NTRK2: variants seen among roughly 807,000 people sequenced by gnomAD.
The protein encoded by NTRK2 is BDNF/NT-3 growth factors receptor.
In NTRK2, 13 loss-of-function variants were observed where a neutral mutation model predicts 94.5. The observed-to-expected ratio is 0.14, with a 90% CI of 0.09 to 0.22. The LOEUF is 0.22. NTRK2 is among the 10% of genes least tolerant of loss of function. NTRK2 has a pLI of 1.00. For missense variants in NTRK2, 639 were observed against 1,071.2 expected, an observed-to-expected ratio of 0.60 and a Z score of 5.63; for synonymous variants, 372 against 407.4, an observed-to-expected ratio of 0.91 and a Z score of 1.05.
rs1021515907 is a variant in NTRK2, at chr9:85,024,260, C to T, written c.*2823C>T. On this transcript the variant is annotated 3_prime_UTR_variant, in exon 19 of 19. Coordinates refer to ENST00000277120, the MANE Select transcript of NTRK2 (RefSeq NM_006180.6). ...ATTATTCATTGTTGTTCCTCCACCACCCCCTTTCTCATGGTCTGATTTTTA... is the reference window on the plus strand; with the variant it reads ...ATTATTCATTGTTGTTCCTCCACCATCCCCTTTCTCATGGTCTGATTTTTA... 25 of 232,706 alleles carry T rather than the reference C, an allele frequency of 1.1e-4. No individual in the cohort carries two copies. Among genetic ancestry groups the T allele is most frequent in the African/African-American group, 5.1e-4 (23 of 45,430 alleles). The allele number at this position is 232,706 out of a possible 1,614,324, so 14.4% of individuals were successfully genotyped here. A position where few individuals can be genotyped will look rare whatever the true frequency, so the allele number is the denominator to read the frequency against.
intron 12 of NTRK2, among the ~76,000 whole-genome samples, chr9:84,836,094 T>G (rs1285803889): frequency 2.6e-5 from 4 of 152,238 alleles, no homozygotes; most frequent in Non-Finnish European, 5.9e-5. Flanking sequence ...ACCATAGTTC[T>G]GTTCTTTGCC....
intron 12 of NTRK2, among the ~76,000 whole-genome samples, chr9:84,760,295 T>A (rs990201137): frequency 6.6e-6 from 1 of 152,232 alleles, no homozygotes; most frequent in African/African-American, 2.4e-5. Context: ...TAGTTTAGTA[T>A]CTGTCTCTTT....
intron 6 of NTRK2, among the ~76,000 whole-genome samples, chr9:84,722,048 A>C (rs2062098589): frequency 6.6e-6 from 1 of 151,946 alleles, no homozygotes; most frequent in Non-Finnish European, 1.5e-5. Flanking sequence ...CAACAGACTC[A>C]TCTAAGGCCA....
chr9:84,742,789 G>GTTTT (rs757253032), intron 10 of NTRK2, among the ~76,000 whole-genome samples: 1,466 of 103,630 alleles, frequency 0.014, 134 homozygotes, highest in Admixed American at 0.022. Context: ...CATTATATTA[G>GTTTT]TTTTTTTTTT....
At chr9:84,704,798 C>T (rs551337198) in intron 4 of NTRK2, among the ~76,000 whole-genome samples, 1 of 152,258 alleles carries the variant, frequency 6.6e-6, no homozygotes, top group East Asian at 1.9e-4. Flanking sequence ...CATATAGTCA[C>T]AGGACAAAAG....
At chr9:84,999,305 C>T (rs1207114398) in intron 17 of NTRK2, among the ~76,000 whole-genome samples, 1 of 152,156 alleles carries the variant, frequency 6.6e-6, no homozygotes, top group East Asian at 1.9e-4. Context: ...GACTCCTTCC[C>T]ATCAGTAAGT....
rs2060597764 is a variant in NTRK2, at chr9:84,699,660, T to C, written c.213-2499T>C. 2.0e-5 allele frequency among the ~76,000 whole-genome samples: 3 copies of C among 148,174 alleles called. No homozygotes were observed. The South Asian group carries it at 6.5e-4, about 32-fold the overall frequency. ...GAAAGCATAGAATTAAGCTTATGTG[T>C]GTGTTTTTTTTTTTTTCTAACGAGT... On this transcript the variant is annotated intron_variant, in intron 2 of 18. Coordinates refer to ENST00000277120, the MANE Select transcript of NTRK2 (RefSeq NM_006180.6).
chr9:84,857,836 G>T (rs894441359), intron 12 of NTRK2, among the ~76,000 whole-genome samples: 20 of 152,092 alleles, frequency 1.3e-4, no homozygotes, highest in African/African-American at 4.6e-4. Context: ...ATTGATCTAT[G>T]GGCTCTAGAA....
chr9:84,971,583 G>A (rs547022614), intron 17 of NTRK2, among the ~76,000 whole-genome samples: 131 of 152,334 alleles, frequency 8.6e-4, no homozygotes, highest in Middle Eastern at 3.4e-3. Flanking sequence ...CCAGTGTGCT[G>A]GACATAGAGC....
chr9:85,017,255 A>G (rs1832336910), intron 17 of NTRK2, among the ~76,000 whole-genome samples: 1 of 152,206 alleles, frequency 6.6e-6, no homozygotes, highest in Non-Finnish European at 1.5e-5. Flanking sequence ...AAGACTTAGA[A>G]AACACTTTCA....
intron 15 of NTRK2, among the ~76,000 whole-genome samples, chr9:84,939,622 G>A (rs532815490): frequency 6.0e-4 from 92 of 152,128 alleles, no homozygotes; most frequent in Non-Finnish European, 1.2e-3. Context: ...ATTCCTGAGG[G>A]AGTGTTTAGG....
At chr9:84,936,510 G>A (rs940982655) in intron 15 of NTRK2, among the ~76,000 whole-genome samples, 1 of 152,106 alleles carries the variant, frequency 6.6e-6, no homozygotes, top group Admixed American at 6.5e-5. Context: ...CACTGTCAGT[G>A]AGGCCCCTCT....
chr9:84,787,709 G>A (rs866952480), intron 12 of NTRK2, among the ~76,000 whole-genome samples: 2 of 152,280 alleles, frequency 1.3e-5, no homozygotes, highest in Non-Finnish European at 1.5e-5. Context: ...AGCAAAATAA[G>A]TATTTCTTCA....
chr9:84,748,853 C>G (rs1164181127), intron 11 of NTRK2, among the ~76,000 whole-genome samples: 1 of 152,164 alleles, frequency 6.6e-6, no homozygotes, highest in Non-Finnish European at 1.5e-5. Context: ...ATGAGGTCAG[C>G]TTGAGTGAAA....
intron 14 of NTRK2, among the ~76,000 whole-genome samples, chr9:84,912,805 A>C (rs1161826123): frequency 6.6e-6 from 1 of 151,620 alleles, no homozygotes; most frequent in Non-Finnish European, 1.5e-5. Flanking sequence ...TTTAGTAGAG[A>C]CAGGGTTTCA....
At position 84,955,454 on chromosome 9, in the gene NTRK2, C is replaced by T. The variant is rs780600276; in HGVS notation, c.2109C>T (p.Asn703=). The change falls in exon 17 of 19, where the codon AAC becomes AAT. Residue 703 remains asparagine, a synonymous_variant. Coordinates refer to ENST00000277120, the MANE Select transcript of NTRK2 (RefSeq NM_006180.6). Reference sequence around the variant, plus strand: ...CCAGGAACTGCCTGGTCGGGGAGAACTTGCTGGTGAAAATCGGGGACTTTG... The same window carrying T: ...CCAGGAACTGCCTGGTCGGGGAGAATTTGCTGGTGAAAATCGGGGACTTTG... ...LATRNCLVGE[N]LLVKIGDFGM... 8 of 1,614,124 alleles carry T rather than the reference C, an allele frequency of 5.0e-6. No individual in the cohort carries two copies. The highest frequency in any genetic ancestry group is 2.7e-5 in the African/African-American group (2 of 74,942).
At chr9:84,993,239 G>A (rs1829319783) in intron 17 of NTRK2, among the ~76,000 whole-genome samples, 4 of 152,116 alleles carry the variant, frequency 2.6e-5, no homozygotes, top group Admixed American at 2.6e-4. Context: ...AGGCGTCAGT[G>A]ACCACTGCAA....
At chr9:84,950,914 C>T (rs961059090) in intron 16 of NTRK2, among the ~76,000 whole-genome samples, 1 of 152,184 alleles carries the variant, frequency 6.6e-6, no homozygotes, top group Non-Finnish European at 1.5e-5. Context: ...ATGGCAACAC[C>T]TAGGAGTCTC....
intron 9 of NTRK2, among the ~76,000 whole-genome samples, chr9:84,728,637 G>A (rs899695238): frequency 6.6e-6 from 1 of 152,100 alleles, no homozygotes; most frequent in African/African-American, 2.4e-5. Context: ...TGAGAAATTA[G>A]TGTCTTGGAC....
Sources: gnomAD v4.1 joint callset for allele counts (sites outside exome capture counted in the v4.1 genomes callset) on GRCh38, gnomAD v4.1.1 for gene constraint, MANE v1.5 for transcripts, NCBI Gene and HGNC (gene_info 2026-07-23, HGNC 2026-07-21) for gene names.